Variants in DENND5A observed in about 807,000 individuals in gnomAD.
DENND5A encodes the protein DENN domain containing 5A.
Under a neutral mutation model 140.3 loss-of-function variants are expected in DENND5A, and 64 were observed. The ratio of observed to expected loss-of-function variants is 0.46; its 90% CI spans 0.37 to 0.56. The LOEUF (loss-of-function observed/expected upper bound fraction) is 0.56. DENND5A is among the 20% of genes least tolerant of loss of function. The probability of loss-of-function intolerance (pLI) is 0.00; values close to 1 mark genes in which losing one functional copy is unlikely to be tolerated. For synonymous variants in DENND5A, 605 were observed against 607.7 expected (o/e 1.00, Z 0.07); for missense variants, 1,292 against 1,593.8 (o/e 0.81, Z 3.22).
chr11:9,201,070 G>T (rs2136207138), intron 4 of DENND5A, among the ~76,000 whole-genome samples: 1 of 151,996 alleles, frequency 6.6e-6, no homozygotes, highest in South Asian at 2.1e-4. Context: ...AAAAATCTAT[G>T]AATCCATACA....
intron 1 of DENND5A, among the ~76,000 whole-genome samples, chr11:9,210,088 C>T (rs1230764982): frequency 6.6e-6 from 1 of 151,860 alleles, no homozygotes; most frequent in Non-Finnish European, 1.5e-5. Context: ...GCTTGGGTGA[C>T]ACAGCAAGAC....
At position 9,164,056 on chromosome 11, in the gene DENND5A, G is replaced by GTTTTTTTTTTTTTTT. The variant is rs768604681; in HGVS notation, c.2283+1765_2283+1779dup. On this transcript the variant is annotated intron_variant, in intron 11 of 22. Coordinates refer to ENST00000328194, the MANE Select transcript of DENND5A (RefSeq NM_015213.4). ...ATATCAGTACTGATATATTAATCAG[G>GTTTTTTTTTTTTTTT]TTTTTTTTTTTTTTTTTTTTTTTTT... is the stretch of plus-strand genomic sequence containing the variant. Among the ~76,000 whole-genome samples, 8 of 57,958 alleles carry GTTTTTTTTTTTTTTT rather than the reference G, an allele frequency of 1.4e-4. 2 individuals are homozygous for GTTTTTTTTTTTTTTT. The highest frequency in any genetic ancestry group is 3.8e-4 in the African/African-American group (6 of 15,586). 38.0% of individuals were successfully genotyped at this position (57,958 alleles called of 152,430 possible).
chr11:9,180,725 A>C, intron 6 of DENND5A, 42 bp downstream of exon 6: 2 of 1,584,990 alleles, frequency 1.3e-6, no homozygotes, highest in South Asian at 2.3e-5. Context: ...ACAGCACCCT[A>C]GCACAGATCA....
At chr11:9,156,626 CA>C (rs763078353) in intron 12 of DENND5A, among the ~76,000 whole-genome samples, 2,407 of 89,742 alleles carry the variant, frequency 0.027, 19 homozygotes, top group Non-Finnish European at 0.041. Context: ...GACTCCGTCT[CA>C]AAAAAAAAAA....
chr11:9,186,351 G>C, intron 5 of DENND5A, among the ~76,000 whole-genome samples: 1 of 152,146 alleles, frequency 6.6e-6, no homozygotes, highest in East Asian at 1.9e-4. Flanking sequence ...GATAAAGACA[G>C]AATTAAATCA....
In DENND5A at chr11:9,252,334, G is replaced by A. The variant is rs553980728; in HGVS notation, c.109+12627C>T. Among the ~76,000 whole-genome samples the A allele has an allele frequency of 1.7e-4, 25 of 145,510 alleles. 1 individual carries two copies. The South Asian group carries it at 5.0e-3, about 29-fold the overall frequency. Reference sequence around the variant, plus strand: ...AAAAAAGAACTAAATATAAAAATCTGGCCGTAATAGCCTGTGTTTAATTAC... The same window carrying A: ...AAAAAAGAACTAAATATAAAAATCTAGCCGTAATAGCCTGTGTTTAATTAC... On this transcript the variant is annotated intron_variant, in intron 1 of 22. Coordinates refer to ENST00000328194, the MANE Select transcript of DENND5A (RefSeq NM_015213.4).
intron 1 of DENND5A, among the ~76,000 whole-genome samples, chr11:9,242,187 C>A (rs1221789584): frequency 1.3e-5 from 2 of 152,094 alleles, no homozygotes; most frequent in Non-Finnish European, 2.9e-5. Context: ...AAAACCAAAG[C>A]TTCACAAAGG....
At position 9,152,395 on chromosome 11, in the gene DENND5A, C is replaced by T. The variant is rs750504542; in HGVS notation, c.2484G>A (p.Arg828=). The T allele has an allele frequency of 7.4e-6, 12 of 1,613,816 alleles. No homozygotes were observed. The highest frequency in any genetic ancestry group is 3.3e-5 in the Admixed American group (2 of 59,996). The change falls in exon 13 of 23, where the codon CGG becomes CGA. Residue 828 remains arginine (R), a synonymous_variant. Transcript: ENST00000328194. ...WSHLLHYQDN[R]QRKLTSGSLS... ...GGCTTCCTGATGTGAGTTTTCTCTG[C>T]CGGTTGTCCTGATAATGTAACAGGT...
intron 22 of DENND5A, chr11:9,140,374 A>G: frequency 2.3e-6 from 1 of 441,370 alleles, no homozygotes; most frequent in Admixed American, 2.7e-5. Context: ...ATCTGAACCT[A>G]GTGAATGCGG....
chr11:9,185,077 G>A (rs765629106), intron 5 of DENND5A, among the ~76,000 whole-genome samples: 1 of 152,136 alleles, frequency 6.6e-6, no homozygotes, highest in East Asian at 1.9e-4. Context: ...TGTAATCCCA[G>A]CTACTTGGGA....
At chr11:9,143,021 GCTGCT>G (rs1847298852) in intron 20 of DENND5A, 176 bp from the exon 21 acceptor site, 3 of 707,928 alleles carry the variant, frequency 4.2e-6, no homozygotes, top group Non-Finnish European at 6.9e-6. Flanking sequence ...CCAGTGAAGA[GCTGCT>G]GAATAAATGG....
chr11:9,249,543 A>G (rs1234414886), intron 1 of DENND5A, among the ~76,000 whole-genome samples: 1 of 151,562 alleles, frequency 6.6e-6, no homozygotes. Flanking sequence ...TTTTTATTTT[A>G]TTGTATTTTA....
At chr11:9,249,699 C>G (rs1300914586) in intron 1 of DENND5A, among the ~76,000 whole-genome samples, 2 of 152,080 alleles carry the variant, frequency 1.3e-5, no homozygotes, top group Admixed American at 6.6e-5. Context: ...AGGCGCCCAC[C>G]ACCATGCCTG....
intron 8 of DENND5A, 109 bp downstream of exon 8, chr11:9,178,023 C>T: frequency 1.3e-6 from 1 of 791,686 alleles, no homozygotes; most frequent in Non-Finnish European, 2.2e-6. Flanking sequence ...CAATGGGAAC[C>T]ACATACACAA....
At chr11:9,145,468 C>T (rs1187584930) in intron 17 of DENND5A, 2 of 636,940 alleles carry the variant, frequency 3.1e-6, no homozygotes, top group Admixed American at 5.6e-5. Context: ...TAAGTGCCTT[C>T]CAAACATTGT....
At chr11:9,191,011 G>C (rs1590254370) in intron 5 of DENND5A, among the ~76,000 whole-genome samples, 1 of 152,096 alleles carries the variant, frequency 6.6e-6, no homozygotes, top group South Asian at 2.1e-4. Context: ...CAGAAGACAG[G>C]TGTGGATGAA....
At chr11:9,152,604 C>G (rs773415210) in intron 12 of DENND5A, among the ~76,000 whole-genome samples, 162 bp from the exon 13 acceptor site, 3 of 152,002 alleles carry the variant, frequency 2.0e-5, no homozygotes, top group Non-Finnish European at 4.4e-5. Context: ...TTACTAAAAT[C>G]CAGAAGAAAT....
chr11:9,245,768 G>C (rs1851446393), intron 1 of DENND5A, among the ~76,000 whole-genome samples: 1 of 151,974 alleles, frequency 6.6e-6, no homozygotes. Flanking sequence ...CAAGTAGCTG[G>C]GACTACAGGC....
intron 5 of DENND5A, among the ~76,000 whole-genome samples, chr11:9,185,641 C>T (rs1358386536): frequency 6.6e-5 from 10 of 152,154 alleles, no homozygotes; most frequent in East Asian, 1.9e-4. Context: ...CAACCCTGCA[C>T]GTTCTGCACA....
Sources: gnomAD v4.1 joint callset for allele counts (sites outside exome capture counted in the v4.1 genomes callset) on GRCh38, gnomAD v4.1.1 for gene constraint, MANE v1.5 for transcripts, NCBI Gene and HGNC (gene_info 2026-07-23, HGNC 2026-07-21) for gene names.